The following VWA5B2 variants were observed in gnomAD, a reference collection of about 807,000 sequenced individuals.
VWA5B2 encodes the protein von Willebrand factor A domain containing 5B2.
Under a neutral mutation model 118.5 loss-of-function variants are expected in VWA5B2, and 93 were observed. That is an observed-to-expected ratio of 0.79 (90% CI 0.66 to 0.93). The LOEUF (loss-of-function observed/expected upper bound fraction) is 0.93, where lower values mean the gene tolerates loss of function less well. Among genes scored for constraint, VWA5B2 ranks in the 40% least tolerant of loss-of-function variants. VWA5B2 has a pLI of 0.00. For missense variants in VWA5B2, 1,546 were observed against 1,672.8 expected (o/e 0.92, Z 1.32); for synonymous variants, 708 against 716.3 (o/e 0.99, Z 0.19).
intron 1 of VWA5B2, among the ~76,000 whole-genome samples, 102 bp from the exon 2 acceptor site, chr3:184,230,278 A>T (rs1213487735): frequency 6.6e-6 from 1 of 152,014 alleles, no homozygotes; most frequent in Non-Finnish European, 1.5e-5. Context: ...CGCGTTAATC[A>T]TTAACCCTCC....
Position 184,239,429 on chromosome 3 carries a change from G to A in VWA5B2, c.2238G>A (p.Gln746=). 1.3e-6 allele frequency: 2 copies of A among 1,548,960 alleles called. No individual in the cohort carries two copies. The highest frequency in any genetic ancestry group is 1.7e-6 in the Non-Finnish European group (2 of 1,145,756). The change falls in exon 15 of 20, where the codon CAG becomes CAA. Residue 746 remains glutamine (Q), a synonymous_variant. Coordinates refer to ENST00000691901, the MANE Select transcript of VWA5B2 (RefSeq NM_001390846.1). This position sits in a 1 kb window ranked among gnomAD's most constrained non-coding sequence, Gnocchi z 5.1. ...TGAGTACTGAGGTGCTGGGCCGTCAGCACAGAGCGGCTCTGGCTGGCCGAA... is the reference window on the plus strand; with the variant it reads ...TGAGTACTGAGGTGCTGGGCCGTCAACACAGAGCGGCTCTGGCTGGCCGAA... ...GALSTEVLGR[Q]HRAALAGRSL...
chr3:184,238,746 C>T lies in VWA5B2; in HGVS notation c.2075C>T (p.Pro692Leu). 2 of 1,550,934 alleles carry T rather than the reference C, an allele frequency of 1.3e-6. No individual in the cohort carries two copies. Among genetic ancestry groups the T allele is most frequent in the Non-Finnish European group, 1.7e-6 (2 of 1,146,984 alleles). Reference protein sequence around the residue: ...GSSESPGSQGPGSPEGSAPLE... With the variant: ...GSSESPGSQGLGSPEGSAPLE... ...AGTGAGTCCCCAGGCTCACAGGGCC[C>T]TGGCTCCCCCGAAGGTAGTGCTCCC... The change falls in exon 14 of 20, where the codon CCT becomes CTT. Residue 692 changes from proline to leucine, a missense_variant. Around this residue, in one of 3 missense-constraint regions of VWA5B2, gnomAD observed 763 missense variants for 766.6 expected, o/e 1.00. Coordinates refer to ENST00000691901, the MANE Select transcript of VWA5B2 (RefSeq NM_001390846.1). The surrounding 1 kb of genome is among the most constrained non-coding windows in gnomAD (Gnocchi z 5.0).
At chr3:184,232,197 C>T (rs1375698400) in intron 3 of VWA5B2, among the ~76,000 whole-genome samples, 1 of 152,084 alleles carries the variant, frequency 6.6e-6, no homozygotes, top group Non-Finnish European at 1.5e-5. Flanking sequence ...GCAGGGGTCA[C>T]TGACTTATAT....
At position 184,242,004 on chromosome 3, in the gene VWA5B2, T is replaced by C. The variant is rs1718773211; in HGVS notation, c.3695T>C (p.Leu1232Pro). ...CGCCACTGGGACCAAAACCTGCAGC[T>C]ACACCTGCTGTGCTACAGCCCAGCG... ...LLRHWDQNLQ[L>P]HLLCYSPANV is the part of the protein sequence containing the mutation. The change falls in exon 20 of 20, where the codon CTA (leucine) becomes CCA (proline). Residue 1232 changes from leucine (L) to proline (P), a missense_variant. Transcript: ENST00000691901. 4 of 1,550,378 alleles carry C rather than the reference T, an allele frequency of 2.6e-6. No homozygotes were observed. Among genetic ancestry groups the C allele is most frequent in the Non-Finnish European group, 3.5e-6 (4 of 1,146,956 alleles).
chr3:184,231,043 C>T, intron 3 of VWA5B2, 126 bp downstream of exon 3: 1 of 1,186,604 alleles, frequency 8.4e-7, no homozygotes, highest in South Asian at 4.3e-5. Context: ...ATTGGCTCAT[C>T]CTGGTATTTA....
rs1577086163 is a variant in VWA5B2, at chr3:184,233,125, C to T, written c.311-53C>T. 3 of 1,491,048 alleles carry T rather than the reference C, an allele frequency of 2.0e-6. No homozygotes were observed. The East Asian group carries it at 7.4e-5, about 37-fold the overall frequency. The allele number at this position is 1,491,048 out of a possible 1,614,324, so 92.4% of individuals were successfully genotyped here. ...AATGCCTGCTTCCACATCTAGCTTC[C>T]TCCCTCTCCTCTGCTTCCAGCATGC... On this transcript the variant is annotated intron_variant, in intron 3 of 19. Transcript: ENST00000691901. This position sits in a 1 kb window ranked among gnomAD's most constrained non-coding sequence, Gnocchi z 5.2.
intron 6 of VWA5B2, 68 bp downstream of exon 6, chr3:184,234,465 T>C: frequency 1.9e-6 from 3 of 1,543,910 alleles, no homozygotes; most frequent in Non-Finnish European, 2.6e-6. Context: ...AAGCATTTCT[T>C]AAGTGCAGGT....
Position 184,236,621 on chromosome 3 carries a change from T to C in VWA5B2, c.1422-17T>C. 2 of 1,550,142 alleles carry C rather than the reference T, an allele frequency of 1.3e-6. No individual in the cohort carries two copies. The highest frequency in any genetic ancestry group is 1.7e-6 in the Non-Finnish European group (2 of 1,145,932). ...AGGGGCTCCTGAAGATCACAGCTGC[T>C]TCCTTTCCTTCATCAGATGCTTCTC... On this transcript the variant is annotated splice_polypyrimidine_tract_variant and intron_variant, in intron 10 of 19. Coordinates refer to ENST00000691901, the MANE Select transcript of VWA5B2 (RefSeq NM_001390846.1).
In VWA5B2 at chr3:184,241,955, G is replaced by GC; in HGVS notation, c.3649dup (p.Arg1217ProfsTer58). 1 of 1,549,774 alleles carries GC rather than the reference G, an allele frequency of 6.5e-7. No homozygotes were observed. Among genetic ancestry groups the GC allele is most frequent in the South Asian group, 1.2e-5 (1 of 84,060 alleles). On this transcript the variant is annotated frameshift_variant, in exon 20 of 20. Transcript: ENST00000691901. LOFTEE classifies it high-confidence loss of function. This position sits in a 1 kb window ranked among gnomAD's most constrained non-coding sequence, Gnocchi z 5.1. The stretch of plus-strand genomic sequence containing the variant: ...TGACCTGGCCGCCCTCAAGGCCGCA[G>GC]CCCGAGGGCTCTTCCTGCTACTGCG...
intron 7 of VWA5B2, 167 bp from the exon 8 acceptor site, chr3:184,234,986 A>C: frequency 9.3e-7 from 1 of 1,076,502 alleles, no homozygotes; most frequent in Non-Finnish European, 1.3e-6. Flanking sequence ...TGATATAAAC[A>C]GAAGACAGCC....
chr3:184,236,689 A>T lies in VWA5B2; in HGVS notation c.1473A>T (p.Leu491Phe). Reference protein sequence around the residue: ...GPTCHQLLQGLSALSRGQAYF... With the variant: ...GPTCHQLLQGFSALSRGQAYF... ...CCTGCCACCAGCTGCTCCAGGGTTT[A>T]TCTGCCCTCAGCAGAGGCCAGGCCT... Residue 491 changes from leucine to phenylalanine, a missense_variant, in exon 11 of 20, where the codon TTA (leucine) becomes TTT (phenylalanine). Coordinates refer to ENST00000691901, the MANE Select transcript of VWA5B2 (RefSeq NM_001390846.1). 3.2e-6 allele frequency: 5 copies of T among 1,551,278 alleles called. No individual in the cohort carries two copies. Among genetic ancestry groups the T allele is most frequent in the Non-Finnish European group, 4.4e-6 (5 of 1,146,696 alleles).
At chr3:184,240,083 A>G in intron 16 of VWA5B2, 47 bp downstream of exon 16, 5 of 1,416,264 alleles carry the variant, frequency 3.5e-6, no homozygotes, top group Non-Finnish European at 4.7e-6. Context: ...ATGGGCTAAA[A>G]ACAGCAAAGG....
chr3:184,233,213 A>C lies in VWA5B2; in HGVS notation c.346A>C (p.Thr116Pro). 1 of 1,550,922 alleles carries C rather than the reference A, an allele frequency of 6.4e-7. No homozygotes were observed. The highest frequency in any genetic ancestry group is 1.2e-5 in the South Asian group (1 of 84,020). The change falls in exon 4 of 20, where the codon ACG (threonine) becomes CCG (proline). Residue 116 changes from threonine to proline, a missense_variant. By Grantham distance (38) the Thr-to-Pro change is conservative. This residue lies in a region of VWA5B2 where 775 missense variants were observed against 882.3 expected (regional missense o/e 0.88). Coordinates refer to ENST00000691901, the MANE Select transcript of VWA5B2 (RefSeq NM_001390846.1). The surrounding 1 kb of genome is among the most constrained non-coding windows in gnomAD (Gnocchi z 5.2). Reference sequence around the variant, plus strand: ...CTTGGATCTGGCCCAGGCCCGGTCCACGTTGGTGCTGCCCACAGGCATTAT... The same window carrying C: ...CTTGGATCTGGCCCAGGCCCGGTCCCCGTTGGTGCTGCCCACAGGCATTAT... ...LVLDLAQARSTLVLPTGIIAA... is the reference protein window; with the variant it reads ...LVLDLAQARSPLVLPTGIIAA...
Position 184,238,978 on chromosome 3 carries a change from G to A in VWA5B2, c.2202+105G>A, listed in dbSNP as rs142385889. On this transcript the variant is annotated intron_variant, in intron 14 of 19. Transcript: ENST00000691901. The surrounding 1 kb of genome is among the most constrained non-coding windows in gnomAD (Gnocchi z 5.0). Reference sequence around the variant, plus strand: ...GAGTTTACTATTAAGTCTAGCTAGAGAGAAAGGTGGGTAAATCCCCAACGA... The same window carrying A: ...GAGTTTACTATTAAGTCTAGCTAGAAAGAAAGGTGGGTAAATCCCCAACGA... The A allele has an allele frequency of 9.4e-5, 117 of 1,239,614 alleles. No individual in the cohort carries two copies. The African/African-American group carries it at 1.3e-3, about 13-fold the overall frequency. 76.8% of individuals were successfully genotyped at this position (1,239,614 alleles called of 1,614,324 possible).
chr3:184,236,441 C>G lies in VWA5B2; in HGVS notation c.1311C>G (p.Pro437=), dbSNP rs73884900. ...LAALDWAVGQ[P]QHRAYPRQLF... ...CTCTGGACTGGGCCGTGGGGCAGCCCCAGCACAGGGCCTACCCTCGGCAGC... is the reference window on the plus strand; with the variant it reads ...CTCTGGACTGGGCCGTGGGGCAGCCGCAGCACAGGGCCTACCCTCGGCAGC... The change falls in exon 10 of 20, where the codon CCC becomes CCG. Residue 437 remains proline, a synonymous_variant. Coordinates refer to ENST00000691901, the MANE Select transcript of VWA5B2 (RefSeq NM_001390846.1). 689 of 1,546,960 alleles carry G rather than the reference C, an allele frequency of 4.5e-4. 4 individuals are homozygous for G. In the African/African-American group the frequency reaches 8.5e-3, roughly 19 times the overall value.
intron 3 of VWA5B2, chr3:184,232,764 A>T: frequency 5.3e-6 from 1 of 187,532 alleles, no homozygotes; most frequent in Non-Finnish European, 1.1e-5. Flanking sequence ...CTGATGGTTC[A>T]GGAGCAGGAA....
intron 6 of VWA5B2, 92 bp from the exon 7 acceptor site, chr3:184,234,539 T>C: frequency 6.6e-7 from 1 of 1,521,904 alleles, no homozygotes; most frequent in Non-Finnish European, 8.8e-7. Flanking sequence ...GCAGGAAGGC[T>C]GGACCTGCAG....
At chr3:184,235,073 C>T in intron 7 of VWA5B2, 80 bp from the exon 8 acceptor site, 1 of 1,487,356 alleles carries the variant, frequency 6.7e-7, no homozygotes. Context: ...AGAAAAAGGC[C>T]CCAGAGCCAG....
In VWA5B2 at chr3:184,235,439, G is replaced by C. The variant is rs1717872972; in HGVS notation, c.1101+131G>C. The stretch of plus-strand genomic sequence containing the variant: ...AACACCATCTTCCAAAGAGGAAGCA[G>C]ATGGCAACTCCTCAGGGGATTCCCT... On this transcript the variant is annotated intron_variant, in intron 8 of 19. Transcript: ENST00000691901. The C allele has an allele frequency of 6.6e-6, 7 of 1,056,062 alleles. No homozygotes were observed. The South Asian group carries it at 1.1e-4, about 17-fold the overall frequency. 65.4% of individuals were successfully genotyped at this position (1,056,062 alleles called of 1,614,324 possible).
Sources: allele counts gnomAD v4.1 joint callset (sites outside exome capture counted in the v4.1 genomes callset), GRCh38; gene constraint gnomAD v4.1.1; regional missense constraint gnomAD v4.1.1; non-coding constraint Gnocchi (gnomAD v3.1); transcripts MANE v1.5; gene names NCBI Gene and HGNC (gene_info 2026-07-23, HGNC 2026-07-21).